Variants in TEX101 observed in about 807,000 individuals in gnomAD.
TEX101 encodes the protein testis-expressed protein 101.
Under a neutral mutation model 18.1 loss-of-function variants are expected in TEX101, and 10 were observed. That is an observed-to-expected ratio of 0.55 (90% CI 0.34 to 0.94). TEX101 has a LOEUF of 0.94. Among genes scored for constraint, TEX101 ranks in the 40% least tolerant of loss-of-function variants. TEX101 has a pLI of 0.02. For missense variants in TEX101, 259 were observed against 298.9 expected (o/e 0.87, Z 0.98); for synonymous variants, 94 against 114.8 (o/e 0.82, Z 1.16).
chr19:43,390,537 G>A, the TEX101 span, among the ~76,000 whole-genome samples: 43 of 117,756 alleles, frequency 3.7e-4, 1 homozygote, highest in Admixed American at 2.7e-3. Flanking sequence ...GCGTGATCTC[G>A]GCTCACTGCA....
intron 4 of TEX101, among the ~76,000 whole-genome samples, chr19:43,417,494 T>C (rs1970493073): frequency 6.6e-6 from 1 of 152,194 alleles, no homozygotes. Flanking sequence ...TCATCCTCCA[T>C]GTCAATTCAG....
chr19:43,400,121 G>A (rs997131345), upstream of TEX101, among the ~76,000 whole-genome samples: 4 of 152,074 alleles, frequency 2.6e-5, no homozygotes, highest in Admixed American at 2.0e-4. Flanking sequence ...GGCCTCCTAT[G>A]TCCTCTTGAC....
intron 1 of TEX101, among the ~76,000 whole-genome samples, chr19:43,415,427 G>T (rs959589534): frequency 1.3e-5 from 2 of 152,008 alleles, no homozygotes; most frequent in Non-Finnish European, 2.9e-5. Context: ...AGCCGGTTAG[G>T]GACAGAACGA....
At chr19:43,391,406 CTTTTTTTTTT>C in the TEX101 span, among the ~76,000 whole-genome samples, 1 of 95,898 alleles carries the variant, frequency 1.0e-5, no homozygotes, top group African/African-American at 4.3e-5. Context: ...TTCTGTTTTT[CTTTTTTTTTT>C]TTTTTTTTTT....
intron 3 of TEX101, among the ~76,000 whole-genome samples, chr19:43,407,081 C>G (rs1238831341): frequency 6.6e-6 from 1 of 152,016 alleles, no homozygotes; most frequent in Non-Finnish European, 1.5e-5. Flanking sequence ...GACCGCAGGC[C>G]TGAGCCACCA....
At chr19:43,405,757 T>C (rs995385284) in intron 2 of TEX101, among the ~76,000 whole-genome samples, 2 of 151,376 alleles carry the variant, frequency 1.3e-5, no homozygotes, top group Non-Finnish European at 2.9e-5. Context: ...AAACCCCGTC[T>C]CTAGAAAAAT....
At chr19:43,412,430 A>G (rs1019883516), upstream of TEX101, among the ~76,000 whole-genome samples, 7 of 152,324 alleles carry the variant, frequency 4.6e-5, no homozygotes, top group Middle Eastern at 3.4e-3. Flanking sequence ...ACATTTCAAC[A>G]TGAGATTTGG....
upstream of TEX101, among the ~76,000 whole-genome samples, chr19:43,397,430 A>C (rs1320839283): frequency 6.7e-6 from 1 of 148,986 alleles, no homozygotes; most frequent in Non-Finnish European, 1.5e-5. Flanking sequence ...CTCTGATGCC[A>C]CCAAGTTACT....
chr19:43,391,274 G>T, the TEX101 span, among the ~76,000 whole-genome samples: 1 of 152,154 alleles, frequency 6.6e-6, no homozygotes, highest in East Asian at 1.9e-4. Context: ...AAGCCGAATT[G>T]CTGCATCTTT....
chr19:43,415,991 T>G lies in TEX101; in HGVS notation c.64+8T>G. On this transcript the variant is annotated splice_region_variant and intron_variant, in intron 2 of 5. Coordinates refer to ENST00000598265, the MANE Select transcript of TEX101 (RefSeq NM_001130011.3). Reference sequence around the variant, plus strand: ...GAGCCTCCCTCCTGACCTGTGCGTATGGGGGACATAGGGGAGAGCCGTGTG... The same window carrying G: ...GAGCCTCCCTCCTGACCTGTGCGTAGGGGGGACATAGGGGAGAGCCGTGTG... 6.2e-7 allele frequency: 1 copy of G among 1,613,888 alleles called. No homozygotes were observed. Among genetic ancestry groups the G allele is most frequent in the Non-Finnish European group, 8.5e-7 (1 of 1,179,882 alleles).
chr19:43,407,281 C>G (rs1354869498), intron 3 of TEX101, among the ~76,000 whole-genome samples: 1 of 152,066 alleles, frequency 6.6e-6, no homozygotes, highest in Non-Finnish European at 1.5e-5. Flanking sequence ...GTTGGAAGTT[C>G]GAGGCCAGCC....
the TEX101 span, among the ~76,000 whole-genome samples, chr19:43,389,366 A>G: frequency 4.6e-4 from 70 of 152,242 alleles, no homozygotes; most frequent in Admixed American, 1.3e-4. Flanking sequence ...CAGAGGGTGC[A>G]TGGCACCGAT....
chr19:43,395,088 T>C, the TEX101 span, among the ~76,000 whole-genome samples: 13 of 152,326 alleles, frequency 8.5e-5, no homozygotes, highest in South Asian at 1.0e-3. Context: ...GAAAGGGGTT[T>C]GTTCTTCAAG....
chr19:43,413,273 G>T (rs184734516), upstream of TEX101, among the ~76,000 whole-genome samples: 1 of 151,762 alleles, frequency 6.6e-6, no homozygotes, highest in African/African-American at 2.4e-5. Context: ...TTTGGGGGGC[G>T]GGCGGATCAC....
At chr19:43,408,470 A>G (rs1970390462) in intron 3 of TEX101, among the ~76,000 whole-genome samples, 1 of 152,054 alleles carries the variant, frequency 6.6e-6, no homozygotes, top group Non-Finnish European at 1.5e-5. Context: ...CCGGCCGGTC[A>G]CCGCCCTTGC....
At chr19:43,394,472 C>A in the TEX101 span, among the ~76,000 whole-genome samples, 4 of 140,286 alleles carry the variant, frequency 2.9e-5, no homozygotes, top group African/African-American at 1.0e-4. Flanking sequence ...GCCTGACTTA[C>A]TTTTTTTTTT....
chr19:43,395,320 CA>C, the TEX101 span, among the ~76,000 whole-genome samples: 8 of 152,228 alleles, frequency 5.3e-5, no homozygotes, highest in Non-Finnish European at 8.8e-5. Flanking sequence ...TGTTGATTCT[CA>C]AAGGCCTTAA....
Position 43,416,426 on chromosome 19 carries a change from G to A in TEX101, c.262G>A (p.Ala88Thr), listed in dbSNP as rs750781450. The change falls in exon 4 of 6, where the codon GCC becomes ACC. Residue 88 changes from alanine (A) to threonine (T), a missense_variant. Ala to Thr is a moderately conservative substitution (Grantham distance 58). Coordinates refer to ENST00000598265, the MANE Select transcript of TEX101 (RefSeq NM_001130011.3). ...TKGCIPEGEE[A>T]ITIVQHSSPP... ...GGGCTGCATCCCGGAAGGGGAGGAGGCCATAACAATTGTCCAGCACTCTTC... is the reference window on the plus strand; with the variant it reads ...GGGCTGCATCCCGGAAGGGGAGGAGACCATAACAATTGTCCAGCACTCTTC... 55 of 1,614,020 alleles carry A rather than the reference G, an allele frequency of 3.4e-5. No homozygotes were observed. The highest frequency in any genetic ancestry group is 4.2e-5 in the Non-Finnish European group (50 of 1,180,020).
At chr19:43,409,392 A>AACTT (rs1002463662) in intron 3 of TEX101, among the ~76,000 whole-genome samples, 38 of 152,314 alleles carry the variant, frequency 2.5e-4, no homozygotes, top group African/African-American at 9.1e-4. Context: ...CATTAGACCA[A>AACTT]ACTTAAAGTA....
Sources: allele counts gnomAD v4.1 joint callset (sites outside exome capture counted in the v4.1 genomes callset), GRCh38; gene constraint gnomAD v4.1.1; transcripts MANE v1.5; gene names NCBI Gene and HGNC (gene_info 2026-07-23, HGNC 2026-07-21).